Variants in PLEKHG1 observed in about 807,000 individuals in gnomAD.
PLEKHG1 encodes the protein pleckstrin homology domain-containing family G member 1.
PLEKHG1 carries 44 observed loss-of-function variants against 100.8 expected under a neutral mutation model. That is an observed-to-expected ratio of 0.44 (90% CI 0.34 to 0.56). The LOEUF (loss-of-function observed/expected upper bound fraction) is 0.56. Ranked by LOEUF, PLEKHG1 falls within the 20% of genes least tolerant of loss-of-function variation. The pLI is 0.01. For missense variants in PLEKHG1, 1,545 were observed against 1,720.9 expected, an observed-to-expected ratio of 0.90 and a Z score of 1.81; for synonymous variants, 640 against 662.5, an observed-to-expected ratio of 0.97 and a Z score of 0.52.
chr6:150,659,722 A>T (rs2128579345), intron 3 of PLEKHG1, among the ~76,000 whole-genome samples: 1 of 152,304 alleles, frequency 6.6e-6, no homozygotes, highest in South Asian at 2.1e-4. Context: ...TTGCTGTATC[A>T]GTTAGCCTCT....
At chr6:150,743,868 G>T (rs1783011245) in intron 2 of PLEKHG1, among the ~76,000 whole-genome samples, 1 of 152,040 alleles carries the variant, frequency 6.6e-6, no homozygotes, top group African/African-American at 2.4e-5. Context: ...CTAGTTCAAA[G>T]GCAGGGATTG....
At chr6:150,688,315 GTT>G (rs58023452) in intron 3 of PLEKHG1, among the ~76,000 whole-genome samples, 2 of 147,866 alleles carry the variant, frequency 1.4e-5, no homozygotes, top group African/African-American at 4.9e-5. Flanking sequence ...TTCTTCCTTT[GTT>G]TTTTTTTTTA....
At chr6:150,793,799 A>G (rs1252190020) in intron 4 of PLEKHG1, among the ~76,000 whole-genome samples, 2 of 152,184 alleles carry the variant, frequency 1.3e-5, no homozygotes, top group African/African-American at 2.4e-5. Flanking sequence ...AAATGAAACC[A>G]GGCCAGGCGT....
chr6:150,630,661 C>T (rs977280732), intron 1 of PLEKHG1, among the ~76,000 whole-genome samples: 1 of 152,060 alleles, frequency 6.6e-6, no homozygotes, highest in Non-Finnish European at 1.5e-5. Context: ...CAGGTAGGTA[C>T]GTGGATGTGT....
intron 3 of PLEKHG1, among the ~76,000 whole-genome samples, chr6:150,713,356 C>A (rs573143643): frequency 6.6e-6 from 1 of 152,216 alleles, no homozygotes; most frequent in Admixed American, 6.5e-5. Context: ...GGGGTGGAAT[C>A]TATATTTGGC....
At chr6:150,693,884 TG>T (rs2128594810) in intron 3 of PLEKHG1, among the ~76,000 whole-genome samples, 1 of 152,266 alleles carries the variant, frequency 6.6e-6, no homozygotes, top group African/African-American at 2.4e-5. Context: ...CAGAGCAAAA[TG>T]GCAAAAGATG....
intron 2 of PLEKHG1, among the ~76,000 whole-genome samples, chr6:150,643,481 T>A (rs1778358600): frequency 6.6e-6 from 1 of 152,180 alleles, no homozygotes; most frequent in Non-Finnish European, 1.5e-5. Context: ...GCTCAACTCA[T>A]TTCATAAATT....
At chr6:150,659,746 A>G (rs1217109767) in intron 3 of PLEKHG1, among the ~76,000 whole-genome samples, 1 of 152,204 alleles carries the variant, frequency 6.6e-6, no homozygotes, top group African/African-American at 2.4e-5. Context: ...CAATTCATTT[A>G]GCAATTTTAA....
chr6:150,733,669 A>G, exon 2 of PLEKHG1: 1 of 1,614,214 alleles, frequency 6.2e-7, no homozygotes, highest in South Asian at 1.1e-5. Context: ...CCTGCCCTCA[A>G]GAACTGAAGA....
At chr6:150,676,265 C>T (rs17080091) in intron 3 of PLEKHG1, among the ~76,000 whole-genome samples, 17,124 of 152,166 alleles carry the variant, frequency 0.11, 1,186 homozygotes, top group African/African-American at 0.19. Context: ...GTGAGCACAA[C>T]GTCAGATTCT....
intron 10 of PLEKHG1, among the ~76,000 whole-genome samples, chr6:150,811,086 A>C (rs1444231524): frequency 6.6e-6 from 1 of 152,178 alleles, no homozygotes; most frequent in Non-Finnish European, 1.5e-5. Context: ...CTCGGGAGAC[A>C]AGATACAGAT....
intron 2 of PLEKHG1, among the ~76,000 whole-genome samples, chr6:150,749,173 C>T (rs968504061): frequency 1.1e-4 from 17 of 152,150 alleles, no homozygotes; most frequent in Admixed American, 9.8e-4. Flanking sequence ...TTGGAGACAA[C>T]TGGAAAAAAC....
At chr6:150,794,673 A>G (rs571985315) in intron 4 of PLEKHG1, among the ~76,000 whole-genome samples, 33 of 152,288 alleles carry the variant, frequency 2.2e-4, no homozygotes, top group African/African-American at 7.5e-4. Flanking sequence ...TCTCAAAAAA[A>G]TAAAGTCCTT....
chr6:150,616,272 C>A (rs1201112466), intron 1 of PLEKHG1, among the ~76,000 whole-genome samples: 2 of 152,210 alleles, frequency 1.3e-5, no homozygotes, highest in Non-Finnish European at 2.9e-5. Context: ...TGCCCTGAGA[C>A]ATGCCATCTT....
intron 3 of PLEKHG1, among the ~76,000 whole-genome samples, chr6:150,682,679 C>G (rs1779975384): frequency 6.6e-6 from 1 of 152,120 alleles, no homozygotes; most frequent in Admixed American, 6.6e-5. Flanking sequence ...CCTGAGCAGC[C>G]CTTCACACAC....
chr6:150,700,099 TGAATCGGGGTGAACCTGCCAGAGAGAAGC>T (rs1780705983), intron 3 of PLEKHG1, among the ~76,000 whole-genome samples: 2 of 152,132 alleles, frequency 1.3e-5, no homozygotes, highest in East Asian at 3.9e-4. Context: ...AATATTACAG[TGAATCGGGGTGAACCTGCCAGAGAGAAGC>T]CTCCTGTATG....
intron 2 of PLEKHG1, among the ~76,000 whole-genome samples, chr6:150,758,336 CTTTTTTT>C (rs58766862): frequency 7.0e-6 from 1 of 141,966 alleles, no homozygotes; most frequent in Non-Finnish European, 1.6e-5. Flanking sequence ...TGTTTCTTGA[CTTTTTTT>C]TTTTTTTTTT....
chr6:150,711,026 G>A (rs186801036), intron 3 of PLEKHG1, among the ~76,000 whole-genome samples: 3 of 152,288 alleles, frequency 2.0e-5, no homozygotes, highest in Non-Finnish European at 2.9e-5. Context: ...AGGACGCAGC[G>A]ATGTTGATGT....
intron 14 of PLEKHG1, among the ~76,000 whole-genome samples, chr6:150,824,265 C>T (rs1365310513): frequency 6.6e-6 from 1 of 152,172 alleles, no homozygotes; most frequent in African/African-American, 2.4e-5. Context: ...ACTGTATTGC[C>T]TATGAAGAAT....
Sources: allele counts gnomAD v4.1 joint callset (sites outside exome capture counted in the v4.1 genomes callset), GRCh38; gene constraint gnomAD v4.1.1; transcripts MANE v1.5; gene names NCBI Gene and HGNC (gene_info 2026-07-23, HGNC 2026-07-21).